The following FANCL variants were observed in gnomAD, a reference collection of about 807,000 sequenced individuals.
FANCL encodes the protein FA complementation group L.
FANCL carries 69 observed loss-of-function variants against 59.4 expected under a neutral mutation model. The observed-to-expected ratio is 1.16, with a 90% CI of 0.96 to 1.42. FANCL has a LOEUF of 1.42. Ranked by LOEUF, FANCL falls within the 40% of genes most tolerant of loss-of-function variation. The pLI is 0.00. For missense variants in FANCL, 519 were observed against 447.2 expected (o/e 1.16, Z -1.45); for synonymous variants, 180 against 147.1 (o/e 1.22, Z -1.62).
intron 5 of FANCL, among the ~76,000 whole-genome samples, chr2:58,210,902 T>C (rs558525035): frequency 6.6e-6 from 1 of 152,198 alleles, no homozygotes; most frequent in Non-Finnish European, 1.5e-5. Context: ...GCTAGACCCC[T>C]GTGATTTTGC....
chr2:58,173,601 C>A (rs1250386029), intron 7 of FANCL, among the ~76,000 whole-genome samples: 1 of 152,098 alleles, frequency 6.6e-6, no homozygotes, highest in Non-Finnish European at 1.5e-5. Context: ...GATTTTGTCA[C>A]CACCAGGCCT....
chr2:58,225,694 C>A (rs1692931309), intron 4 of FANCL, among the ~76,000 whole-genome samples: 1 of 151,966 alleles, frequency 6.6e-6, no homozygotes, highest in Non-Finnish European at 1.5e-5. Flanking sequence ...CTAGATCTAA[C>A]TGCCAGATTA....
intron 5 of FANCL, among the ~76,000 whole-genome samples, chr2:58,211,792 C>T (rs1440724249): frequency 3.3e-5 from 5 of 152,162 alleles, no homozygotes; most frequent in African/African-American, 1.2e-4. Flanking sequence ...TTTGCTAAAA[C>T]ATAACAAGAG....
At chr2:58,206,030 T>A (rs1186278922) in intron 5 of FANCL, among the ~76,000 whole-genome samples, 3 of 152,088 alleles carry the variant, frequency 2.0e-5, no homozygotes, top group African/African-American at 7.2e-5. Flanking sequence ...TTATAGAGAC[T>A]AATGTAAATA....
intron 5 of FANCL, among the ~76,000 whole-genome samples, chr2:58,217,169 TATATA>T (rs1691845404): frequency 3.6e-5 from 1 of 27,504 alleles, no homozygotes; most frequent in East Asian, 1.2e-3. Context: ...ATATATTTTA[TATATA>T]TATATATATA....
At chr2:58,222,796 T>C (rs1378398418) in intron 4 of FANCL, among the ~76,000 whole-genome samples, 1 of 152,028 alleles carries the variant, frequency 6.6e-6, no homozygotes, top group East Asian at 1.9e-4. Flanking sequence ...TATCTACAAA[T>C]TACTTAGATG....
chr2:58,234,466 G>C (rs899108556), intron 1 of FANCL, among the ~76,000 whole-genome samples: 1 of 150,488 alleles, frequency 6.6e-6, no homozygotes, highest in Non-Finnish European at 1.5e-5. Context: ...TACCAAATGA[G>C]AAAAAAATTA....
intron 5 of FANCL, among the ~76,000 whole-genome samples, chr2:58,210,378 A>T (rs1249731602): frequency 6.6e-6 from 1 of 152,170 alleles, no homozygotes; most frequent in Non-Finnish European, 1.5e-5. Flanking sequence ...ACATCTCATG[A>T]CACTTATTCA....
chr2:58,240,669 G>C (rs911744969), intron 1 of FANCL, among the ~76,000 whole-genome samples: 2 of 152,164 alleles, frequency 1.3e-5, no homozygotes, highest in African/African-American at 4.8e-5. Flanking sequence ...GAGGCCACTG[G>C]AATCAGCAAA....
intron 6 of FANCL, among the ~76,000 whole-genome samples, chr2:58,202,619 T>C (rs927862222): frequency 6.6e-6 from 1 of 151,848 alleles, no homozygotes; most frequent in South Asian, 2.1e-4. Context: ...TAACTACAGA[T>C]GTTGCAAAAC....
intron 12 of FANCL, among the ~76,000 whole-genome samples, chr2:58,161,123 T>TA: frequency 6.6e-6 from 1 of 152,004 alleles, no homozygotes; most frequent in Admixed American, 6.6e-5. Context: ...AAGTAATAGA[T>TA]ACTACATAGT....
rs1694519859 is a variant in FANCL, at chr2:58,241,270, A to G, written c.44T>C (p.Leu15Pro). The G allele has an allele frequency of 6.2e-7, 1 of 1,614,146 alleles. No homozygotes were observed. Among genetic ancestry groups the G allele is most frequent in the Admixed American group, 1.7e-5 (1 of 60,006 alleles). Reference sequence around the variant, plus strand: ...GGTTTTCGACCGGTTCTGGGGCAGAAGCAGGGGGCACTGGCGCAACAGGCT... The same window carrying G: ...GGTTTTCGACCGGTTCTGGGGCAGAGGCAGGGGGCACTGGCGCAACAGGCT... Reference protein sequence around the residue: ...EASLLRQCPLLLPQNRSKTVY... With the variant: ...EASLLRQCPLPLPQNRSKTVY... The change falls in exon 1 of 14, where the codon CTT becomes CCT. Residue 15 changes from leucine to proline, a missense_variant. Leu to Pro is a moderately conservative substitution (Grantham distance 98). Coordinates refer to ENST00000233741, the MANE Select transcript of FANCL (RefSeq NM_018062.4).
intron 7 of FANCL, among the ~76,000 whole-genome samples, chr2:58,176,675 C>G (rs1487544030): frequency 6.6e-6 from 1 of 152,060 alleles, no homozygotes; most frequent in African/African-American, 2.4e-5. Flanking sequence ...ACCATAAAAA[C>G]CCTAGAAGAA....
At chr2:58,237,188 C>A (rs1694102212) in intron 1 of FANCL, among the ~76,000 whole-genome samples, 1 of 152,072 alleles carries the variant, frequency 6.6e-6, no homozygotes, top group Non-Finnish European at 1.5e-5. Context: ...AGAGTACACA[C>A]AGTATATTCA....
intron 7 of FANCL, among the ~76,000 whole-genome samples, chr2:58,193,828 G>T (rs1553446076): frequency 6.6e-6 from 1 of 152,012 alleles, no homozygotes; most frequent in Non-Finnish European, 1.5e-5. Context: ...TCCATGAAAA[G>T]AAAAAAGGTT....
At chr2:58,235,832 CATA>C (rs1028498091) in intron 1 of FANCL, among the ~76,000 whole-genome samples, 2 of 151,708 alleles carry the variant, frequency 1.3e-5, no homozygotes, top group African/African-American at 4.8e-5. Flanking sequence ...CCTCAAAAAA[CATA>C]ATGTTTGAGA....
chr2:58,217,171 T>G (rs1229604156), intron 5 of FANCL, among the ~76,000 whole-genome samples: 29 of 21,972 alleles, frequency 1.3e-3, no homozygotes, highest in Non-Finnish European at 1.6e-3. Context: ...ATATTTTATA[T>G]ATATATATAT....
chr2:58,161,699 A>G, intron 11 of FANCL, 61 bp from the exon 12 acceptor site: 1 of 1,095,724 alleles, frequency 9.1e-7, no homozygotes. Flanking sequence ...CGTTGTACAT[A>G]TTTGGGAGGG....
intron 11 of FANCL, among the ~76,000 whole-genome samples, chr2:58,162,357 C>G (rs1317097961): frequency 1.3e-5 from 2 of 151,950 alleles, no homozygotes; most frequent in African/African-American, 4.8e-5. Context: ...CCAAACATCT[C>G]ATTAGCTACT....
Sources: allele counts gnomAD v4.1 joint callset (sites outside exome capture counted in the v4.1 genomes callset), GRCh38; gene constraint gnomAD v4.1.1; transcripts MANE v1.5; gene names NCBI Gene and HGNC (gene_info 2026-07-23, HGNC 2026-07-21).